FBXL13: variants seen among roughly 807,000 people sequenced by gnomAD.
FBXL13 encodes the protein F-box and leucine-rich repeat protein 13.
In FBXL13, 67 loss-of-function variants were observed where a neutral mutation model predicts 83.6. The observed-to-expected ratio is 0.80, with a 90% CI of 0.66 to 0.98. The LOEUF is 0.98. FBXL13 is among the 50% of genes least tolerant of loss of function. The pLI, the probability that FBXL13 is intolerant of heterozygous loss-of-function variation, is 0.00. For missense variants in FBXL13, 822 were observed against 866.5 expected (o/e 0.95, Z 0.64); for synonymous variants, 272 against 299.5 (o/e 0.91, Z 0.95).
chr7:102,923,109 G>C (rs1010163059), intron 10 of FBXL13, among the ~76,000 whole-genome samples: 3 of 152,292 alleles, frequency 2.0e-5, no homozygotes, highest in Admixed American at 2.0e-4. Flanking sequence ...TCCAAAATCT[G>C]CTTGTCAATG....
intron 6 of FBXL13, chr7:102,976,302 C>G (rs1827445877): frequency 3.0e-6 from 2 of 664,678 alleles, no homozygotes; most frequent in Non-Finnish European, 5.4e-6. Context: ...CAGGACCCAC[C>G]CAGTCCTCCC....
chr7:102,902,054 G>A (rs1327545862), intron 11 of FBXL13, among the ~76,000 whole-genome samples: 1 of 152,152 alleles, frequency 6.6e-6, no homozygotes, highest in African/African-American at 2.4e-5. Flanking sequence ...CCCACCAGCA[G>A]TGTACTATGG....
At chr7:102,902,788 G>T (rs1813131690) in intron 11 of FBXL13, among the ~76,000 whole-genome samples, 1 of 151,994 alleles carries the variant, frequency 6.6e-6, no homozygotes, top group African/African-American at 2.4e-5. Flanking sequence ...TGGTCTATGT[G>T]TCTGCTTTTA....
intron 10 of FBXL13, 44 bp downstream of exon 11, chr7:102,926,230 G>A (rs1818104853): frequency 1.3e-6 from 2 of 1,543,510 alleles, no homozygotes; most frequent in Non-Finnish European, 1.8e-6. Flanking sequence ...GAGACTTTGG[G>A]AGCATAATTT....
At chr7:102,999,154 T>C (rs1790130053) in intron 6 of FBXL13, among the ~76,000 whole-genome samples, 1 of 152,178 alleles carries the variant, frequency 6.6e-6, no homozygotes, top group South Asian at 2.1e-4. Flanking sequence ...TTTTATTAAA[T>C]GCTTTTTCAG....
chr7:103,035,880 A>G (rs976063270), intron 2 of FBXL13, among the ~76,000 whole-genome samples: 1 of 152,174 alleles, frequency 6.6e-6, no homozygotes. Flanking sequence ...TACTTCATTA[A>G]TGAGCTTCAT....
chr7:103,036,676 TA>T (rs1485137554), intron 2 of FBXL13, among the ~76,000 whole-genome samples: 4 of 152,126 alleles, frequency 2.6e-5, no homozygotes, highest in African/African-American at 7.2e-5. Context: ...CACACGTAGC[TA>T]ATTTTTGTAT....
intron 19 of FBXL13, chr7:102,814,333 C>T (rs1208212473): frequency 6.6e-6 from 1 of 152,020 alleles, no homozygotes; most frequent in Non-Finnish European, 1.5e-5. Flanking sequence ...CCGTATGTTA[C>T]CTTGAGTTAT....
intron 1 of FBXL13, among the ~76,000 whole-genome samples, chr7:103,067,384 A>T (rs534444672): frequency 2.0e-5 from 3 of 152,296 alleles, no homozygotes; most frequent in African/African-American, 7.2e-5. Flanking sequence ...TCTGCAAATG[A>T]TATTTCTTAC....
At chr7:102,971,254 A>C (rs1490925265) in intron 6 of FBXL13, among the ~76,000 whole-genome samples, 1 of 152,238 alleles carries the variant, frequency 6.6e-6, no homozygotes, top group African/African-American at 2.4e-5. Flanking sequence ...AGCAGAAACT[A>C]TCAATCTGAG....
At chr7:102,944,715 A>C (rs1822149742) in intron 8 of FBXL13, 12 of 924,336 alleles carry the variant, frequency 1.3e-5, no homozygotes, top group Non-Finnish European at 1.9e-5. Context: ...AGGGTAATCC[A>C]GCTAAAGGAA....
intron 2 of FBXL13, among the ~76,000 whole-genome samples, chr7:103,046,476 T>C (rs1475347029): frequency 6.6e-6 from 1 of 152,218 alleles, no homozygotes; most frequent in African/African-American, 2.4e-5. Context: ...ACCCATGATG[T>C]GGGCTAAGAG....
At position 102,926,393 on chromosome 7, in the gene FBXL13, G is replaced by A. The variant is rs778145204; in HGVS notation, c.778-19C>T. On this transcript the variant is annotated intron_variant, in intron 9 of 19. Transcript: ENST00000313221. The stretch of plus-strand genomic sequence containing the variant: ...ATTCATCCTGCATGAAAAACAGAGG[G>A]AAGAGGCTTATCAAATTATAGCAGG... The A allele has an allele frequency of 1.1e-5, 17 of 1,590,076 alleles. No homozygotes were observed. The highest frequency in any genetic ancestry group is 1.4e-5 in the Non-Finnish European group (16 of 1,162,024).
chr7:103,020,812 C>G (rs1329654176), intron 6 of FBXL13, among the ~76,000 whole-genome samples: 1 of 152,154 alleles, frequency 6.6e-6, no homozygotes, highest in Non-Finnish European at 1.5e-5. Context: ...AACTACAAAC[C>G]TCTGCTCAAC....
Position 102,907,294 on chromosome 7 carries a change from G to A in FBXL13, c.1008+5792C>T, listed in dbSNP as rs967617850. On this transcript the variant is annotated intron_variant, in intron 11 of 19. Transcript: ENST00000313221. ...CTTTTGAAATTATTTTCTAGATCCC[G>A]TAGGTGTGCTTCATTGTTTTTCATT... Among the ~76,000 whole-genome samples the A allele has an allele frequency of 7.1e-4, 108 of 152,044 alleles. 5 individuals are homozygous for A. The highest frequency in any genetic ancestry group is 6.6e-5 in the Admixed American group (1 of 15,256).
At chr7:102,912,923 G>T in intron 11 of FBXL13, 163 bp downstream of exon 12, 1 of 874,192 alleles carries the variant, frequency 1.1e-6, no homozygotes, top group Non-Finnish European at 1.7e-6. Context: ...CTATAATAGC[G>T]ATCCTGGGGA....
chr7:103,065,632 G>A (rs1372660223), intron 1 of FBXL13, among the ~76,000 whole-genome samples: 1 of 152,212 alleles, frequency 6.6e-6, no homozygotes, highest in Non-Finnish European at 1.5e-5. Flanking sequence ...AAGAGCAAAA[G>A]AGAACACTAA....
chr7:102,932,484 T>C lies in FBXL13; in HGVS notation c.725-551A>G, dbSNP rs1178688038. Among the ~76,000 whole-genome samples, 5 of 9,402 alleles carry C rather than the reference T, an allele frequency of 5.3e-4. No homozygotes were observed. The Admixed American group carries it at 7.2e-3, about 13-fold the overall frequency. The allele number at this position is 9,402 out of a possible 152,430, so 6.2% of individuals were successfully genotyped here. A position where few individuals can be genotyped will look rare whatever the true frequency, so the allele number is the denominator to read the frequency against. On this transcript the variant is annotated intron_variant, in intron 8 of 19. Transcript: ENST00000313221. ...TTTCAAAGTAAGTTGCAGACACCAGTACACTTCCCCCCAAATACTTCAACA... is the reference window on the plus strand; with the variant it reads ...TTTCAAAGTAAGTTGCAGACACCAGCACACTTCCCCCCAAATACTTCAACA...
At chr7:102,880,388 T>G (rs958177694) in intron 14 of FBXL13, among the ~76,000 whole-genome samples, 4 of 152,248 alleles carry the variant, frequency 2.6e-5, no homozygotes, top group African/African-American at 9.6e-5. Context: ...CAGAATGATC[T>G]CCCAGCTCTA....
Sources: allele counts gnomAD v4.1 joint callset (sites outside exome capture counted in the v4.1 genomes callset), GRCh38; gene constraint gnomAD v4.1.1; transcripts MANE v1.5; gene names NCBI Gene and HGNC (gene_info 2026-07-23, HGNC 2026-07-21).